EML5: variants seen among roughly 807,000 people sequenced by gnomAD.
The protein encoded by EML5 is echinoderm microtubule-associated protein-like 5.
EML5 carries 120 observed loss-of-function variants against 250.0 expected under a neutral mutation model. That is an observed-to-expected ratio of 0.48 (90% CI 0.41 to 0.56). The LOEUF is 0.56. Ranked by LOEUF, EML5 falls within the 20% of genes least tolerant of loss-of-function variation. The pLI is 0.00. For missense variants in EML5, 2,006 were observed against 2,437.6 expected, an observed-to-expected ratio of 0.82 and a Z score of 3.73; for synonymous variants, 771 against 806.5, an observed-to-expected ratio of 0.96 and a Z score of 0.75.
At chr14:88,663,212 C>A in intron 23 of EML5, 93 bp from the exon 24 acceptor site, 1 of 828,920 alleles carries the variant, frequency 1.2e-6, no homozygotes, top group South Asian at 2.9e-5. Context: ...GGGAAAAAAT[C>A]AGCTTAAATA....
chr14:88,661,944 T>C (rs2092115591), intron 24 of EML5, 114 bp from the exon 25 acceptor site: 3 of 985,646 alleles, frequency 3.0e-6, no homozygotes, highest in South Asian at 3.8e-5. Context: ...AATGAAAGTT[T>C]TAATGAAAAA....
intron 7 of EML5, among the ~76,000 whole-genome samples, chr14:88,734,900 A>G (rs1013332460): frequency 6.6e-6 from 1 of 152,192 alleles, no homozygotes; most frequent in Non-Finnish European, 1.5e-5. Flanking sequence ...AAGACATATC[A>G]GCAAACGCAA....
intron 37 of EML5, 80 bp from the exon 38 acceptor site, chr14:88,621,381 T>C (rs760760999): frequency 6.4e-7 from 1 of 1,552,088 alleles, no homozygotes; most frequent in East Asian, 2.2e-5. Context: ...ATGACCCTAT[T>C]GACCTGCTTT....
chr14:88,757,537 G>A (rs756544386), intron 1 of EML5, among the ~76,000 whole-genome samples: 2 of 151,998 alleles, frequency 1.3e-5, no homozygotes, highest in Non-Finnish European at 2.9e-5. Flanking sequence ...ATGCAACCCA[G>A]AGAATGGGAG....
chr14:88,662,881 T>C (rs1198422280), intron 24 of EML5, 150 bp downstream of exon 24: 5 of 588,974 alleles, frequency 8.5e-6, no homozygotes, highest in South Asian at 7.7e-5. Flanking sequence ...CCTTCACCCA[T>C]GTATTCTGAC....
At chr14:88,683,707 T>C (rs1595507204) in intron 20 of EML5, among the ~76,000 whole-genome samples, 1 of 152,068 alleles carries the variant, frequency 6.6e-6, no homozygotes, top group Non-Finnish European at 1.5e-5. Context: ...ATCAACAGAA[T>C]TAAAAATGAA....
intron 3 of EML5, among the ~76,000 whole-genome samples, 151 bp from the exon 4 acceptor site, chr14:88,744,242 G>T (rs1166177829): frequency 6.6e-6 from 1 of 151,796 alleles, no homozygotes; most frequent in Non-Finnish European, 1.5e-5. Flanking sequence ...AATCTTATGA[G>T]AAATAAAGTA....
chr14:88,782,375 C>T (rs576739592), intron 1 of EML5, among the ~76,000 whole-genome samples: 13 of 152,224 alleles, frequency 8.5e-5, no homozygotes, highest in African/African-American at 2.6e-4. Context: ...CCTGATGATG[C>T]AGTAGAAAAG....
chr14:88,713,209 T>C (rs1422984024), intron 9 of EML5, among the ~76,000 whole-genome samples: 5 of 151,884 alleles, frequency 3.3e-5, no homozygotes, highest in Non-Finnish European at 7.4e-5. Context: ...CTGGCCAATA[T>C]GGTAAAACTC....
intron 7 of EML5, among the ~76,000 whole-genome samples, chr14:88,729,557 G>GT (rs2043465484): frequency 6.7e-6 from 1 of 149,436 alleles, no homozygotes; most frequent in African/African-American, 2.5e-5. Flanking sequence ...ATACTTATTT[G>GT]GTTTTTTGTT....
intron 1 of EML5, among the ~76,000 whole-genome samples, chr14:88,785,947 C>T (rs2094546967): frequency 6.6e-6 from 1 of 152,138 alleles, no homozygotes; most frequent in South Asian, 2.1e-4. Context: ...AGTGAAAATC[C>T]TCTCAATAGC....
chr14:88,762,478 C>A (rs186763002), intron 1 of EML5, among the ~76,000 whole-genome samples: 82 of 151,842 alleles, frequency 5.4e-4, no homozygotes, highest in African/African-American at 1.9e-3. Context: ...CCATTGCACT[C>A]CAGCCTAAGC....
chr14:88,712,582 A>G, intron 9 of EML5, 99 bp from the exon 10 acceptor site: 1 of 885,690 alleles, frequency 1.1e-6, no homozygotes, highest in Non-Finnish European at 1.7e-6. Flanking sequence ...AATTTAATGT[A>G]TCTTCCCACC....
chr14:88,660,853 C>T (rs746160388), intron 25 of EML5, among the ~76,000 whole-genome samples: 5 of 151,654 alleles, frequency 3.3e-5, no homozygotes, highest in Admixed American at 6.6e-5. Context: ...TTAAAATGCA[C>T]ATATATTCTG....
chr14:88,791,512 T>G (rs1187166939), intron 1 of EML5, among the ~76,000 whole-genome samples: 1 of 152,222 alleles, frequency 6.6e-6, no homozygotes, highest in Non-Finnish European at 1.5e-5. Flanking sequence ...ACATTTCAAA[T>G]ATACCGCTCA....
chr14:88,787,049 A>G (rs1254821324), intron 1 of EML5, among the ~76,000 whole-genome samples: 8 of 152,246 alleles, frequency 5.3e-5, no homozygotes, highest in Non-Finnish European at 1.2e-4. Context: ...AACTGAAGAT[A>G]GTATAAGCAA....
At chr14:88,627,379 T>C (rs2090075013) in intron 34 of EML5, 1 of 476,570 alleles carries the variant, frequency 2.1e-6, no homozygotes, top group Non-Finnish European at 3.7e-6. Flanking sequence ...TAATAATAAA[T>C]ACATAGTTTC....
Position 88,634,509 on chromosome 14 carries a change from T to A in EML5, c.4337-20A>T. ...AATCACCTATAATGGAAAATAATTATCTATAAATAACATAAATCTGTAAAA... is the reference window on the plus strand; with the variant it reads ...AATCACCTATAATGGAAAATAATTAACTATAAATAACATAAATCTGTAAAA... On this transcript the variant is annotated intron_variant, in intron 32 of 43. Transcript: ENST00000554922. 4 of 1,395,534 alleles carry A rather than the reference T, an allele frequency of 2.9e-6. No homozygotes were observed. The highest frequency in any genetic ancestry group is 2.9e-6 in the Non-Finnish European group (3 of 1,040,832). 86.4% of individuals were successfully genotyped at this position (1,395,534 alleles called of 1,614,324 possible).
At chr14:88,615,878 A>G in intron 43 of EML5, 24 bp from the exon 44 acceptor site, 1 of 1,605,306 alleles carries the variant, frequency 6.2e-7, no homozygotes. Flanking sequence ...AGAAAATTGC[A>G]GGGAGTTAAT....
Sources: gnomAD v4.1 joint callset for allele counts (sites outside exome capture counted in the v4.1 genomes callset) on GRCh38, gnomAD v4.1.1 for gene constraint, MANE v1.5 for transcripts, NCBI Gene and HGNC (gene_info 2026-07-23, HGNC 2026-07-21) for gene names.